Variants in NINL observed in about 807,000 individuals in gnomAD.
NINL encodes ninein-like protein.
NINL carries 153 observed loss-of-function variants against 160.3 expected under a neutral mutation model. The ratio of observed to expected loss-of-function variants is 0.95; its 90% CI spans 0.84 to 1.09. The LOEUF is 1.09. NINL is among the 50% of genes least tolerant of loss of function. The probability of loss-of-function intolerance (pLI) is 0.00; values close to 1 mark genes in which losing one functional copy is unlikely to be tolerated. For missense variants in NINL, 1,829 were observed against 1,764.0 expected, an observed-to-expected ratio of 1.04 and a Z score of -0.66; for synonymous variants, 800 against 734.8, an observed-to-expected ratio of 1.09 and a Z score of -1.43.
chr20:25,476,868 T>A lies in NINL; in HGVS notation c.2423A>T (p.Glu808Val), dbSNP rs757103693. The A allele has an allele frequency of 8.7e-6, 14 of 1,612,846 alleles. No homozygotes were observed. The East Asian group carries it at 3.1e-4, about 36-fold the overall frequency. Reference sequence around the variant, plus strand: ...TCGCTTCCCGCGGGCAAGCTCCAACTCCTCCTCCTCGAGGGCCAACGATAC... The same window carrying A: ...TCGCTTCCCGCGGGCAAGCTCCAACACCTCCTCCTCGAGGGCCAACGATAC... ...MCVSLALEEE[E>V]LELARGKRVD... The change falls in exon 17 of 24, where the codon GAG becomes GTG. Residue 808 changes from glutamate to valine, a missense_variant. Coordinates refer to ENST00000278886, the MANE Select transcript of NINL (RefSeq NM_025176.6).
chr20:25,496,650 G>T lies in NINL; in HGVS notation c.1310+13C>A, dbSNP rs372942724. The T allele has an allele frequency of 6.2e-5, 100 of 1,603,726 alleles. No homozygotes were observed. The highest frequency in any genetic ancestry group is 7.6e-5 in the Non-Finnish European group (89 of 1,178,510). ...GCCCAGGTAAGAATCCACCACCTGG[G>T]CCCAGAACCCACTTGATTTTCTTCT... On this transcript the variant is annotated intron_variant, in intron 10 of 23. Transcript: ENST00000278886.
At chr20:25,525,121 A>C (rs759314184) in intron 2 of NINL, among the ~76,000 whole-genome samples, 6 of 152,162 alleles carry the variant, frequency 3.9e-5, no homozygotes, top group Non-Finnish European at 8.8e-5. Context: ...TGAAAAATGC[A>C]GGAATAGAAA....
At chr20:25,463,029 A>C (rs911504857) in intron 19 of NINL, among the ~76,000 whole-genome samples, 1 of 152,154 alleles carries the variant, frequency 6.6e-6, no homozygotes. Flanking sequence ...ACCAGGTACA[A>C]CTTTGCTCCT....
chr20:25,550,819 C>T (rs907499551), intron 1 of NINL, among the ~76,000 whole-genome samples: 2 of 152,190 alleles, frequency 1.3e-5, no homozygotes, highest in Non-Finnish European at 2.9e-5. Flanking sequence ...ACATTCCATT[C>T]CCAGGGACCA....
chr20:25,561,200 C>T (rs934469405), intron 1 of NINL, among the ~76,000 whole-genome samples: 30 of 152,322 alleles, frequency 2.0e-4, no homozygotes, highest in East Asian at 9.6e-4. Flanking sequence ...CCACGCCTGA[C>T]GGGTTTTCCT....
intron 5 of NINL, among the ~76,000 whole-genome samples, chr20:25,510,209 A>G (rs1022316601): frequency 1.3e-5 from 2 of 152,192 alleles, no homozygotes; most frequent in Non-Finnish European, 2.9e-5. Flanking sequence ...ATTACACTCC[A>G]TTTGTGAGAC....
chr20:25,553,103 G>GTTTTTTTTTT (rs760131174), intron 1 of NINL, among the ~76,000 whole-genome samples: 5 of 58,046 alleles, frequency 8.6e-5, no homozygotes, highest in East Asian at 3.0e-4. Flanking sequence ...ACCCTTGTTG[G>GTTTTTTTTTT]GTTTTTTTTT....
intron 1 of NINL, among the ~76,000 whole-genome samples, chr20:25,562,041 T>C (rs1221226315): frequency 2.9e-5 from 4 of 136,520 alleles, no homozygotes; most frequent in African/African-American, 1.1e-4. Flanking sequence ...GGAGCCCCTC[T>C]GCCCGGCCAG....
intron 22 of NINL, among the ~76,000 whole-genome samples, chr20:25,457,478 C>A (rs772297207): frequency 6.6e-6 from 1 of 152,258 alleles, no homozygotes; most frequent in Admixed American, 6.5e-5. Context: ...GAGCTTCCCT[C>A]GCTGTGTTAG....
intron 1 of NINL, among the ~76,000 whole-genome samples, chr20:25,550,223 A>G (rs2064789561): frequency 6.6e-6 from 1 of 152,186 alleles, no homozygotes; most frequent in Non-Finnish European, 1.5e-5. Flanking sequence ...GAAAACAGAA[A>G]AATTAGCCGG....
intron 1 of NINL, among the ~76,000 whole-genome samples, chr20:25,584,919 AAC>A (rs1397243322): frequency 6.6e-6 from 1 of 152,232 alleles, no homozygotes; most frequent in African/African-American, 2.4e-5. Flanking sequence ...TAAAATTCGC[AAC>A]AGACTTCTAC....
chr20:25,509,037 T>A (rs1042758555), intron 5 of NINL, among the ~76,000 whole-genome samples: 1 of 152,220 alleles, frequency 6.6e-6, no homozygotes, highest in Admixed American at 6.5e-5. Flanking sequence ...TCTGTGTCCC[T>A]TCTCCTTGAA....
chr20:25,479,718 C>T (rs2063346604), intron 15 of NINL, among the ~76,000 whole-genome samples: 1 of 152,198 alleles, frequency 6.6e-6, no homozygotes, highest in Admixed American at 6.5e-5. Flanking sequence ...AAAGCCACCA[C>T]AGTCTAGGAA....
chr20:25,570,910 C>T (rs1410782882), intron 1 of NINL, among the ~76,000 whole-genome samples: 1 of 151,794 alleles, frequency 6.6e-6, no homozygotes, highest in East Asian at 1.9e-4. Flanking sequence ...ACCATGTTGG[C>T]CAGGCTGGTC....
Position 25,476,513 on chromosome 20 carries a change from G to C in NINL, c.2778C>G (p.Phe926Leu), listed in dbSNP as rs140983788. ...GCTCCAGCCCCGCTGCGCTCGCGCC[G>C]AAAGGCTCTGGCTCCTTTGGGACAA... ...GDIVPKEPEP[F>L]GASAAGLEQP... The change falls in exon 17 of 24, where the codon TTC becomes TTG. Residue 926 changes from phenylalanine (F) to leucine (L), a missense_variant. Phe to Leu is a conservative substitution (Grantham distance 22). Coordinates refer to ENST00000278886, the MANE Select transcript of NINL (RefSeq NM_025176.6). The C allele has an allele frequency of 1.7e-5, 28 of 1,602,066 alleles. No individual in the cohort carries two copies. The highest frequency in any genetic ancestry group is 2.3e-5 in the Non-Finnish European group (27 of 1,179,828).
chr20:25,472,366 T>TATAC (rs35451260), intron 17 of NINL, among the ~76,000 whole-genome samples: 15 of 125,858 alleles, frequency 1.2e-4, no homozygotes, highest in South Asian at 2.6e-4. Context: ...TATATATATA[T>TATAC]ACTTTTTTTT....
At position 25,482,088 on chromosome 20, in the gene NINL, G is replaced by A. The variant is rs533440102; in HGVS notation, c.1690C>T (p.Arg564Cys). Residue 564 changes from arginine (R) to cysteine (C), a missense_variant, in exon 14 of 24, where the codon CGC (arginine) becomes TGC (cysteine). Physicochemically the swap from Arg to Cys is radical, Grantham distance 180 (BLOSUM62 -3). Transcript: ENST00000278886. ...AGCTCAGCTTGCAGCTCATCGTTGC[G>A]GTCCTGCAGGTCCTGTGGGGACAGA... Reference protein sequence around the residue: ...YELKCRDLQDRNDELQAELEG... With the variant: ...YELKCRDLQDCNDELQAELEG... 1.6e-5 allele frequency: 26 copies of A among 1,597,244 alleles called. No individual in the cohort carries two copies. The highest frequency in any genetic ancestry group is 2.2e-5 in the South Asian group (2 of 90,956).
At chr20:25,581,265 G>A (rs1380878622) in intron 1 of NINL, among the ~76,000 whole-genome samples, 1 of 152,156 alleles carries the variant, frequency 6.6e-6, no homozygotes. Context: ...CCAACATGGC[G>A]AAACTCTGTC....
At chr20:25,490,174 G>A (rs1335916604) in intron 11 of NINL, among the ~76,000 whole-genome samples, 189 bp from the exon 12 acceptor site, 1 of 152,198 alleles carries the variant, frequency 6.6e-6, no homozygotes, top group Non-Finnish European at 1.5e-5. Context: ...CAGGACAGAC[G>A]CCAGAGCCCA....
Sources: gnomAD v4.1 joint callset for allele counts (sites outside exome capture counted in the v4.1 genomes callset) on GRCh38, gnomAD v4.1.1 for gene constraint, MANE v1.5 for transcripts, NCBI Gene and HGNC (gene_info 2026-07-23, HGNC 2026-07-21) for gene names.